The following GUSB variants were observed in gnomAD, a reference collection of about 807,000 sequenced individuals.
GUSB encodes the protein beta-glucuronidase.
GUSB carries 51 observed loss-of-function variants against 74.6 expected under a neutral mutation model. The observed-to-expected ratio is 0.68, with a 90% CI of 0.55 to 0.86. The LOEUF (loss-of-function observed/expected upper bound fraction) is 0.86, where lower values mean the gene tolerates loss of function less well. Among genes scored for constraint, GUSB ranks in the 40% least tolerant of loss-of-function variants. GUSB has a pLI of 0.00. For synonymous variants in GUSB, 360 were observed against 348.3 expected, an observed-to-expected ratio of 1.03 and a Z score of -0.37; for missense variants, 736 against 853.7, an observed-to-expected ratio of 0.86 and a Z score of 1.72.
At chr7:65,973,311 A>G (rs1791335868) in intron 8 of GUSB, among the ~76,000 whole-genome samples, 1 of 152,092 alleles carries the variant, frequency 6.6e-6, no homozygotes. Flanking sequence ...AAAGTTGGCC[A>G]GGCGTGGTAG....
intron 10 of GUSB, among the ~76,000 whole-genome samples, chr7:65,966,228 T>C (rs35542501): frequency 0.13 from 19,380 of 151,732 alleles, 1,400 homozygotes; most frequent in Middle Eastern, 0.22. Context: ...CGCAAGCAAA[T>C]ATATCCAAGA....
At chr7:65,961,426 T>A (rs74802260) in intron 11 of GUSB, among the ~76,000 whole-genome samples, 1 of 152,204 alleles carries the variant, frequency 6.6e-6, no homozygotes, top group East Asian at 1.9e-4. Flanking sequence ...CAAGCCACCA[T>A]GCTCAGCCAA....
chr7:65,980,512 T>C (rs989941264), intron 1 of GUSB, 103 bp from the exon 2 acceptor site: 31 of 1,025,878 alleles, frequency 3.0e-5, no homozygotes, highest in African/African-American at 2.1e-4. Context: ...CCCTGACACA[T>C]AGCGGGGATT....
intron 7 of GUSB, 33 bp from the exon 8 acceptor site, chr7:65,974,474 C>A (rs781008385): frequency 6.2e-7 from 1 of 1,613,980 alleles, no homozygotes; most frequent in Admixed American, 1.7e-5. Flanking sequence ...CAGAGGGTCA[C>A]GGTGACGCCC....
chr7:65,972,000 T>G (rs966910224), intron 8 of GUSB, among the ~76,000 whole-genome samples: 5 of 148,678 alleles, frequency 3.4e-5, no homozygotes, highest in Non-Finnish European at 7.5e-5. Context: ...GATTGTGCCA[T>G]TGCACTCCAG....
intron 4 of GUSB, among the ~76,000 whole-genome samples, chr7:65,978,013 T>C (rs1025030011): frequency 3.3e-5 from 5 of 151,820 alleles, no homozygotes; most frequent in Admixed American, 6.6e-5. Context: ...AGTTTCACCA[T>C]GTTAGTCAGG....
chr7:65,973,090 G>C (rs1371898669), intron 8 of GUSB, among the ~76,000 whole-genome samples: 1 of 152,208 alleles, frequency 6.6e-6, no homozygotes, highest in Non-Finnish European at 1.5e-5. Context: ...CAGCACTTTG[G>C]GAAGGTGAGG....
At chr7:65,968,154 A>T (rs1379320732) in intron 9 of GUSB, among the ~76,000 whole-genome samples, 1 of 148,384 alleles carries the variant, frequency 6.7e-6, no homozygotes, top group Non-Finnish European at 1.5e-5. Flanking sequence ...GCACATTGGG[A>T]GGCCAAGATG....
In GUSB at chr7:65,981,205, C is replaced by CTT. The variant is rs374713676; in HGVS notation, c.210+767_210+768dup. 4.4e-3 allele frequency among the ~76,000 whole-genome samples: 578 copies of CTT among 132,124 alleles called. 5 individuals are homozygous for CTT. The highest frequency in any genetic ancestry group is 0.015 in the African/African-American group (548 of 35,918). 86.7% of individuals were successfully genotyped at this position (132,124 alleles called of 152,430 possible). A position where few individuals can be genotyped will look rare whatever the true frequency, so the allele number is the denominator to read the frequency against. On this transcript the variant is annotated intron_variant, in intron 1 of 11. Coordinates refer to ENST00000304895, the MANE Select transcript of GUSB (RefSeq NM_000181.4). ...CTGGGTAAATAGTGACACCCTGTAT[C>CTT]TTTTTTTTTTTTTTAAGTTTTTTTG...
Position 65,964,880 on chromosome 7 carries a change from G to A in GUSB, c.1654-422C>T, listed in dbSNP as rs1035820553. ...GCCCAGGTGTTCAAGACCAGCCTGGGCAACATAGCAAGACCCCATCTCTAC... is the reference window on the plus strand; with the variant it reads ...GCCCAGGTGTTCAAGACCAGCCTGGACAACATAGCAAGACCCCATCTCTAC... On this transcript the variant is annotated intron_variant, in intron 10 of 11. Transcript: ENST00000304895. Among the ~76,000 whole-genome samples the A allele has an allele frequency of 8.6e-5, 13 of 151,766 alleles. 1 individual carries two copies. The highest frequency in any genetic ancestry group is 3.1e-4 in the African/African-American group (13 of 41,286).
intron 8 of GUSB, among the ~76,000 whole-genome samples, chr7:65,973,778 A>C (rs190040559): frequency 6.6e-6 from 1 of 152,170 alleles, no homozygotes; most frequent in East Asian, 1.9e-4. Context: ...AAATAAAGCA[A>C]AAATTAGCTG....
chr7:65,963,377 A>G (rs1320311002), intron 11 of GUSB, among the ~76,000 whole-genome samples: 2 of 152,064 alleles, frequency 1.3e-5, no homozygotes, highest in African/African-American at 4.8e-5. Flanking sequence ...TTTCCCTGTA[A>G]GTAATGTATT....
chr7:65,975,319 G>A, intron 5 of GUSB: 1 of 524,344 alleles, frequency 1.9e-6, no homozygotes. Flanking sequence ...GGCTAAGGCA[G>A]GAGGATCACT....
At position 65,974,588 on chromosome 7, in the gene GUSB, C is replaced by A; in HGVS notation, c.1182G>T (p.Gln394His). The A allele has an allele frequency of 6.2e-7, 1 of 1,614,232 alleles. No homozygotes were observed. Among genetic ancestry groups the A allele is most frequent in the African/African-American group, 1.3e-5 (1 of 75,076 alleles). The change falls in exon 7 of 12, where the codon CAG (glutamine) becomes CAT (histidine). Residue 394 changes from glutamine to histidine, a missense_variant. Gln to His is a conservative substitution (Grantham distance 24). Transcript: ENST00000304895. ...SHYPYAEEVMQMCDRYGIVVI... is the reference protein window; with the variant it reads ...SHYPYAEEVMHMCDRYGIVVI... ...CCACAATCCCATAGCGGTCACACAT[C>A]TGCATCACTTCCTCTGCATAGGGGT...
intron 8 of GUSB, among the ~76,000 whole-genome samples, chr7:65,970,631 C>T (rs1480022679): frequency 1.3e-5 from 2 of 152,122 alleles, no homozygotes; most frequent in East Asian, 1.9e-4. Flanking sequence ...CAGTGGCTCA[C>T]GCCTGTAATC....
intron 11 of GUSB, 108 bp from the exon 12 acceptor site, chr7:65,961,171 T>C (rs1243739990): frequency 3.6e-6 from 4 of 1,121,158 alleles, no homozygotes; most frequent in East Asian, 4.7e-5. Context: ...TCTTTTTTTT[T>C]CTTTTTTCTC....
intron 1 of GUSB, chr7:65,981,749 G>A: frequency 1.9e-6 from 1 of 520,380 alleles, no homozygotes; most frequent in Admixed American, 3.4e-5. Flanking sequence ...CCTCGGGAAA[G>A]GGCTCGGCAA....
In GUSB at chr7:65,981,538, ATT is replaced by A. The variant is rs200262205; in HGVS notation, c.210+434_210+435del. Among the ~76,000 whole-genome samples, 301 of 146,080 alleles carry A rather than the reference ATT, an allele frequency of 2.1e-3. 3 individuals carry two copies. Among genetic ancestry groups the A allele is most frequent in the African/African-American group, 7.3e-3 (294 of 40,156 alleles). On this transcript the variant is annotated intron_variant, in intron 1 of 11. Coordinates refer to ENST00000304895, the MANE Select transcript of GUSB (RefSeq NM_000181.4). ...AGGTGTGAGCCACCGAGCCCAGATA[ATT>A]TTTTTTTTTTCAATTAGCCAGGCGT... is the stretch of plus-strand genomic sequence containing the variant.
At chr7:65,969,283 G>A (rs772187622) in intron 9 of GUSB, among the ~76,000 whole-genome samples, 3 of 152,238 alleles carry the variant, frequency 2.0e-5, no homozygotes, top group South Asian at 2.1e-4. Context: ...TCAGGAGGCC[G>A]AGGCAGAATT....
Sources: gnomAD v4.1 joint callset for allele counts (sites outside exome capture counted in the v4.1 genomes callset) on GRCh38, gnomAD v4.1.1 for gene constraint, MANE v1.5 for transcripts, NCBI Gene and HGNC (gene_info 2026-07-23, HGNC 2026-07-21) for gene names.